Variants in NAT1 observed in about 807,000 individuals in gnomAD.
NAT1 encodes arylamine N-acetyltransferase 1.
For synonymous variants in NAT1, 144 were observed against 122.6 expected, an observed-to-expected ratio of 1.17 and a Z score of -1.16; for missense variants, 400 against 339.2, an observed-to-expected ratio of 1.18 and a Z score of -1.41.
intron 2 of NAT1, among the ~76,000 whole-genome samples, chr8:18,201,808 A>G (rs1803475764): frequency 6.6e-6 from 1 of 152,158 alleles, no homozygotes; most frequent in Admixed American, 6.5e-5. Context: ...CGGGGTATCT[A>G]AGTGCTCTAC....
intron 2 of NAT1, among the ~76,000 whole-genome samples, chr8:18,195,601 T>C (rs1451244987): frequency 6.6e-6 from 1 of 152,200 alleles, no homozygotes; most frequent in Non-Finnish European, 1.5e-5. Context: ...TTACTTTTTT[T>C]TCTGATTCAA....
At chr8:18,199,313 G>C (rs1373954311) in intron 2 of NAT1, among the ~76,000 whole-genome samples, 1 of 125,702 alleles carries the variant, frequency 8.0e-6, no homozygotes, top group Non-Finnish European at 1.6e-5. Flanking sequence ...GAAAGACTCT[G>C]TCTCAAAAAA....
chr8:18,193,215 C>G (rs1589074606), intron 2 of NAT1, among the ~76,000 whole-genome samples: 1 of 149,680 alleles, frequency 6.7e-6, no homozygotes, highest in Non-Finnish European at 1.5e-5. Context: ...GTAGGTAGCA[C>G]CACAGGTGTG....
intron 2 of NAT1, among the ~76,000 whole-genome samples, chr8:18,184,966 A>T (rs993166630): frequency 6.6e-6 from 1 of 152,208 alleles, no homozygotes; most frequent in African/African-American, 2.4e-5. Context: ...AATAAATTCA[A>T]CTTGGTTGTG....
intron 2 of NAT1, among the ~76,000 whole-genome samples, chr8:18,199,094 A>T (rs912028441): frequency 6.6e-6 from 1 of 151,962 alleles, no homozygotes; most frequent in African/African-American, 2.4e-5. Flanking sequence ...CAGGTGGATT[A>T]CTTGAGGTCA....
At chr8:18,190,942 C>A (rs34377849) in intron 2 of NAT1, among the ~76,000 whole-genome samples, 7,380 of 151,942 alleles carry the variant, frequency 0.049, 538 homozygotes, top group African/African-American at 0.16. Context: ...TGGCACATGC[C>A]TGTAATCCCA....
At chr8:18,177,578 T>C (rs573156100) in intron 2 of NAT1, among the ~76,000 whole-genome samples, 2 of 152,110 alleles carry the variant, frequency 1.3e-5, no homozygotes, top group East Asian at 3.9e-4. Context: ...CAATAATGGG[T>C]TAGTGTTTTT....
At chr8:18,175,611 T>C (rs1342836562) in intron 2 of NAT1, among the ~76,000 whole-genome samples, 1 of 152,142 alleles carries the variant, frequency 6.6e-6, no homozygotes, top group Admixed American at 6.6e-5. Context: ...ATCCATACTA[T>C]CATTGATGAC....
At chr8:18,196,489 T>C (rs1803240242) in intron 2 of NAT1, among the ~76,000 whole-genome samples, 1 of 152,148 alleles carries the variant, frequency 6.6e-6, no homozygotes, top group African/African-American at 2.4e-5. Context: ...AGACTAACAC[T>C]TCAGTACAAA....
intron 2 of NAT1, among the ~76,000 whole-genome samples, chr8:18,193,781 C>G (rs1803119889): frequency 1.3e-5 from 2 of 151,280 alleles, no homozygotes; most frequent in South Asian, 4.2e-4. Flanking sequence ...AGCTGGGATA[C>G]AGGTGCCTGC....
At position 18,222,215 on chromosome 8, in the gene NAT1, T is replaced by G. The variant is rs748760955; in HGVS notation, c.168T>G (p.Phe56Leu). The G allele has an allele frequency of 6.2e-7, 1 of 1,614,140 alleles. No homozygotes were observed. The highest frequency in any genetic ancestry group is 1.7e-5 in the Admixed American group (1 of 60,018). ...TGGACTTAGGCTTAGAGGCCATTTT[T>G]GATCAAGTTGTGAGAAGAAATCGGG... ...DAMDLGLEAI[F>L]DQVVRRNRGG... The change falls in exon 3 of 3, where the codon TTT (phenylalanine) becomes TTG (leucine). Residue 56 changes from phenylalanine (F) to leucine (L), a missense_variant. Coordinates refer to ENST00000307719, the MANE Select transcript of NAT1 (RefSeq NM_000662.8).
Position 18,222,448 on chromosome 8 carries a change from C to T in NAT1, c.401C>T (p.Pro134Leu). The T allele has an allele frequency of 6.2e-7, 1 of 1,614,088 alleles. No homozygotes were observed. The highest frequency in any genetic ancestry group is 1.1e-5 in the South Asian group (1 of 91,080). The change falls in exon 3 of 3, where the codon CCT (proline) becomes CTT (leucine). Residue 134 changes from proline (P) to leucine (L), a missense_variant. Coordinates refer to ENST00000307719, the MANE Select transcript of NAT1 (RefSeq NM_000662.8). ...GFGRSYQMWQ[P>L]LELISGKDQP... ...GGACGCTCATACCAGATGTGGCAGC[C>T]TCTGGAGTTAATTTCTGGGAAGGAT...
In NAT1 at chr8:18,222,046, T is replaced by A; in HGVS notation, c.-2T>A. On this transcript the variant is annotated 5_prime_UTR_variant, in exon 3 of 3. Transcript: ENST00000307719. The stretch of plus-strand genomic sequence containing the variant: ...CGTTTTGTTTTCCTTGCTTAGGGGA[T>A]CATGGACATTGAAGCATATCTTGAA... The A allele has an allele frequency of 1.9e-6, 3 of 1,608,810 alleles. No homozygotes were observed. The highest frequency in any genetic ancestry group is 1.7e-6 in the Non-Finnish European group (2 of 1,176,654).
At chr8:18,208,032 G>C (rs374750499), upstream of NAT1, among the ~76,000 whole-genome samples, 113 of 151,030 alleles carry the variant, frequency 7.5e-4, no homozygotes, top group African/African-American at 2.6e-3. Flanking sequence ...ACCAAACACT[G>C]CACGTTCTGA....
intron 2 of NAT1, among the ~76,000 whole-genome samples, chr8:18,170,971 G>T (rs1802076547): frequency 6.6e-6 from 1 of 152,018 alleles, no homozygotes; most frequent in Admixed American, 6.6e-5. Context: ...GATTAAGTTA[G>T]AGTCTGAACA....
intron 2 of NAT1, among the ~76,000 whole-genome samples, chr8:18,194,515 C>T (rs554733938): frequency 6.6e-6 from 1 of 151,960 alleles, no homozygotes; most frequent in South Asian, 2.1e-4. Context: ...TAAAGCATGG[C>T]CCTTGAGCAG....
intron 1 of NAT1, among the ~76,000 whole-genome samples, chr8:18,217,814 A>C (rs939336315): frequency 9.9e-5 from 15 of 152,256 alleles, no homozygotes; most frequent in African/African-American, 3.6e-4. Flanking sequence ...TTGTTTCTTT[A>C]CAGGGAACAT....
chr8:18,172,793 T>C (rs2040473), intron 2 of NAT1, among the ~76,000 whole-genome samples: 1 of 152,132 alleles, frequency 6.6e-6, no homozygotes, highest in African/African-American at 2.4e-5. Flanking sequence ...TAATACATAT[T>C]TGAGACATTG....
At chr8:18,191,213 C>T (rs1030178069) in intron 2 of NAT1, among the ~76,000 whole-genome samples, 2 of 152,202 alleles carry the variant, frequency 1.3e-5, no homozygotes, top group Admixed American at 6.5e-5. Context: ...GTGAGCATTT[C>T]TGACCTGTAT....
Sources: allele counts gnomAD v4.1 joint callset (sites outside exome capture counted in the v4.1 genomes callset), GRCh38; gene constraint gnomAD v4.1.1; transcripts MANE v1.5; gene names NCBI Gene and HGNC (gene_info 2026-07-23, HGNC 2026-07-21).